Variants in MED13L observed in about 807,000 individuals in gnomAD.
The protein encoded by MED13L is mediator complex subunit 13L, also known as mediator of RNA polymerase II transcription subunit 13-like.
Under a neutral mutation model 220.9 loss-of-function variants are expected in MED13L, and 7 were observed. The ratio of observed to expected loss-of-function variants is 0.03; its 90% CI spans 0.02 to 0.06. MED13L has a LOEUF of 0.06. Ranked by LOEUF, MED13L falls within the 10% of genes least tolerant of loss-of-function variation. The pLI is 1.00. For missense variants in MED13L, 1,965 were observed against 2,760.5 expected (o/e 0.71, Z 6.46); for synonymous variants, 1,011 against 1,015.2 (o/e 1.00, Z 0.08).
rs568838977 is a variant in MED13L, at chr12:116,163,443, C to G, written c.311-51931G>C. Among the ~76,000 whole-genome samples, 5 of 150,386 alleles carry G rather than the reference C, an allele frequency of 3.3e-5. No homozygotes were observed. In the Admixed American group the frequency reaches 3.3e-4, roughly 10 times the overall value. On this transcript the variant is annotated intron_variant, in intron 2 of 30. Coordinates refer to ENST00000281928, the MANE Select transcript of MED13L (RefSeq NM_015335.5). ...GCAATGGTGCGATCTCGGCTCACTG[C>G]AACCTCTGCCTCCCAGATTCAAGTG...
chr12:115,996,627 T>A lies in MED13L; in HGVS notation c.2845A>T (p.Met949Leu). 6.2e-7 allele frequency: 1 copy of A among 1,614,018 alleles called. No individual in the cohort carries two copies. The highest frequency in any genetic ancestry group is 1.1e-5 in the South Asian group (1 of 91,064). Residue 949 changes from methionine to leucine, a missense_variant, in exon 16 of 31, where the codon ATG (methionine) becomes TTG (leucine). This residue lies in a region of MED13L where 233 missense variants were observed against 306.2 expected (regional missense o/e 0.76). Coordinates refer to ENST00000281928, the MANE Select transcript of MED13L (RefSeq NM_015335.5). The part of the protein sequence containing the change: ...PSFQPFVGSS[M>L]FAPLKMLPSH... ...GGCAACATCTTCAGTGGAGCAAACA[T>A]GGAGGATCCCACAAAAGGTTGAAAG...
chr12:115,979,589 G>A (rs1044574570), intron 23 of MED13L, among the ~76,000 whole-genome samples: 1 of 152,172 alleles, frequency 6.6e-6, no homozygotes, highest in South Asian at 2.1e-4. Flanking sequence ...CAAACACAGT[G>A]TTAACTACTT....
intron 1 of MED13L, among the ~76,000 whole-genome samples, chr12:116,268,962 T>A (rs553401116): frequency 6.6e-6 from 1 of 152,226 alleles, no homozygotes; most frequent in Admixed American, 6.5e-5. Context: ...AACTTTTATT[T>A]TAAGTTCTGG....
intron 4 of MED13L, among the ~76,000 whole-genome samples, chr12:116,041,081 C>T: frequency 6.6e-6 from 1 of 152,112 alleles, no homozygotes; most frequent in East Asian, 1.9e-4. Context: ...TAATTAAAAA[C>T]AAGGGAACAG....
chr12:116,191,747 G>A (rs186182660), intron 2 of MED13L, among the ~76,000 whole-genome samples: 32 of 152,128 alleles, frequency 2.1e-4, no homozygotes, highest in African/African-American at 7.2e-4. Flanking sequence ...TTGGGAGGCC[G>A]AGATGGGAGG....
At chr12:115,971,534 A>G (rs1279065921) in intron 26 of MED13L, among the ~76,000 whole-genome samples, 1 of 152,236 alleles carries the variant, frequency 6.6e-6, no homozygotes, top group Non-Finnish European at 1.5e-5. Context: ...CAGATTCTTA[A>G]GAAATTCTGT....
intron 7 of MED13L, among the ~76,000 whole-genome samples, chr12:116,016,254 A>G (rs1879716415): frequency 6.6e-6 from 1 of 152,110 alleles, no homozygotes; most frequent in African/African-American, 2.4e-5. Context: ...CTTATTATCA[A>G]TGAAAGATGA....
At chr12:116,234,047 C>G (rs149100310) in intron 2 of MED13L, among the ~76,000 whole-genome samples, 1,842 of 152,136 alleles carry the variant, frequency 0.012, 23 homozygotes, top group Admixed American at 0.018. Context: ...GGTATTACAT[C>G]TCACCGTGAG....
At chr12:116,141,762 T>C (rs1245844906) in intron 2 of MED13L, among the ~76,000 whole-genome samples, 2 of 152,146 alleles carry the variant, frequency 1.3e-5, no homozygotes, top group East Asian at 3.9e-4. Flanking sequence ...GTCTTCTCCA[T>C]GTGGTAGCTA....
chr12:116,073,342 T>C (rs986453314), intron 4 of MED13L, among the ~76,000 whole-genome samples: 3 of 152,226 alleles, frequency 2.0e-5, no homozygotes, highest in Non-Finnish European at 2.9e-5. Context: ...TTGGGAAGTC[T>C]ATTTGAGTTC....
At chr12:116,071,396 T>A (rs1870358208) in intron 4 of MED13L, among the ~76,000 whole-genome samples, 1 of 152,208 alleles carries the variant, frequency 6.6e-6, no homozygotes, top group South Asian at 2.1e-4. Flanking sequence ...AATAAATAAT[T>A]TTCTCCACTT....
rs63703461 is a variant in MED13L at position 116,038,744 on chromosome 12, C to CAAAAAAAAAAAAAAAA, written c.480-16159_480-16144dup. 5.3e-4 allele frequency among the ~76,000 whole-genome samples: 40 copies of CAAAAAAAAAAAAAAAA among 75,264 alleles called. 3 individuals carry two copies. Among genetic ancestry groups the CAAAAAAAAAAAAAAAA allele is most frequent in the African/African-American group, 2.0e-3 (34 of 16,652 alleles). The allele number at this position is 75,264 out of a possible 152,430, so 49.4% of individuals were successfully genotyped here. ...GACTTTACCTATGCGGTCAAAAGGC[C>CAAAAAAAAAAAAAAAA]AAAAAAAAAAAAAAAAAAAAAAAAA... is the stretch of plus-strand genomic sequence containing the variant. On this transcript the variant is annotated intron_variant, in intron 4 of 30. Coordinates refer to ENST00000281928, the MANE Select transcript of MED13L (RefSeq NM_015335.5).
At chr12:115,982,643 T>G (rs56159580) in intron 21 of MED13L, 40 bp from the exon 22 acceptor site, 1 of 1,514,726 alleles carries the variant, frequency 6.6e-7, no homozygotes, top group South Asian at 1.1e-5. Context: ...AAAATAAATA[T>G]AAATTACACG....
rs1483674846 is a variant in MED13L, at chr12:116,024,517, C to G, written c.480-1916G>C. ...TACTGACTTGAGTTCCTTAGATATT[C>G]CAGATATTAATCCCCTGTCAGATAT... On this transcript the variant is annotated intron_variant, in intron 4 of 30. Coordinates refer to ENST00000281928, the MANE Select transcript of MED13L (RefSeq NM_015335.5). 2.0e-5 allele frequency among the ~76,000 whole-genome samples: 3 copies of G among 152,080 alleles called. No individual in the cohort carries two copies. The East Asian group carries it at 5.8e-4, about 29-fold the overall frequency.
At chr12:116,143,757 T>G (rs906508380) in intron 2 of MED13L, among the ~76,000 whole-genome samples, 8 of 152,206 alleles carry the variant, frequency 5.3e-5, no homozygotes, top group African/African-American at 1.9e-4. Context: ...GGAAGAATAA[T>G]TGAGATTACT....
intron 3 of MED13L, among the ~76,000 whole-genome samples, chr12:116,106,163 A>G (rs1431146546): frequency 6.6e-6 from 1 of 152,224 alleles, no homozygotes; most frequent in Non-Finnish European, 1.5e-5. Context: ...TTCTGTTACT[A>G]CAGCATAACT....
intron 2 of MED13L, among the ~76,000 whole-genome samples, chr12:116,223,103 A>T (rs1035180958): frequency 2.0e-5 from 3 of 152,214 alleles, no homozygotes; most frequent in Non-Finnish European, 4.4e-5. Flanking sequence ...CCATGCAGCA[A>T]ATACCAACTC....
intron 2 of MED13L, among the ~76,000 whole-genome samples, chr12:116,222,605 C>T (rs776280900): frequency 2.6e-5 from 4 of 152,118 alleles, no homozygotes; most frequent in African/African-American, 9.7e-5. Context: ...GGAAACATGG[C>T]GGCATTTCAG....
intron 3 of MED13L, among the ~76,000 whole-genome samples, chr12:116,105,586 T>TA (rs200139750): frequency 0.011 from 1,731 of 152,212 alleles, 16 homozygotes; most frequent in Non-Finnish European, 0.017. Flanking sequence ...AAGAAGCCAA[T>TA]AAGACTCAAA....
Sources: allele counts gnomAD v4.1 joint callset (sites outside exome capture counted in the v4.1 genomes callset), GRCh38; gene constraint gnomAD v4.1.1; regional missense constraint gnomAD v4.1.1; transcripts MANE v1.5; gene names NCBI Gene and HGNC (gene_info 2026-07-23, HGNC 2026-07-21).